LYPLA1: variants seen among roughly 807,000 people sequenced by gnomAD.
The protein encoded by LYPLA1 is acyl-protein thioesterase 1.
LYPLA1 carries 17 observed loss-of-function variants against 34.0 expected under a neutral mutation model. That is an observed-to-expected ratio of 0.50 (90% CI 0.34 to 0.75). The LOEUF is 0.75. Among genes scored for constraint, LYPLA1 ranks in the 30% least tolerant of loss-of-function variants. LYPLA1 has a pLI of 0.01. For missense variants in LYPLA1, 203 were observed against 288.8 expected (o/e 0.70, Z 2.15); for synonymous variants, 98 against 100.8 (o/e 0.97, Z 0.17).
At chr8:54,049,877 G>A (rs1432900269) in intron 8 of LYPLA1, among the ~76,000 whole-genome samples, 5 of 152,100 alleles carry the variant, frequency 3.3e-5, no homozygotes, top group Non-Finnish European at 5.9e-5. Context: ...AAACATCCAA[G>A]GTCACAGGTG....
chr8:54,067,516 C>T (rs953396639), intron 2 of LYPLA1, among the ~76,000 whole-genome samples: 1 of 152,050 alleles, frequency 6.6e-6, no homozygotes, highest in Non-Finnish European at 1.5e-5. Flanking sequence ...TTTTCCCATG[C>T]ATGTCAATTA....
intron 2 of LYPLA1, among the ~76,000 whole-genome samples, chr8:54,095,504 A>T (rs548120140): frequency 3.1e-4 from 47 of 152,238 alleles, no homozygotes; most frequent in African/African-American, 1.1e-3. Context: ...TTAATTACAT[A>T]TTCAATATTT....
Position 54,059,299 on chromosome 8 carries a change from G to GTTTTTTTTTTTTT in LYPLA1, c.286+2942_286+2954dup, listed in dbSNP as rs573966934. 6.2e-5 allele frequency among the ~76,000 whole-genome samples: 7 copies of GTTTTTTTTTTTTT among 112,742 alleles called. 1 individual carries two copies. The highest frequency in any genetic ancestry group is 3.4e-4 in the African/African-American group (7 of 20,560). The allele number at this position is 112,742 out of a possible 152,430, so 74.0% of individuals were successfully genotyped here. A position where few individuals can be genotyped will look rare whatever the true frequency, so the allele number is the denominator to read the frequency against. ...CACATCTTTTGAATGTATTTTCCCT[G>GTTTTTTTTTTTTT]TTTTTTTTTTTTTTTTGAGACGGAG... is the stretch of plus-strand genomic sequence containing the variant. On this transcript the variant is annotated intron_variant, in intron 5 of 8. Transcript: ENST00000316963.
downstream of LYPLA1, among the ~76,000 whole-genome samples, chr8:54,044,461 A>T (rs1453924344): frequency 6.6e-6 from 1 of 152,086 alleles, no homozygotes; most frequent in Non-Finnish European, 1.5e-5. Flanking sequence ...ATACCTTGAA[A>T]ATCAAAATGC....
intron 5 of LYPLA1, among the ~76,000 whole-genome samples, chr8:54,058,766 C>T (rs11994366): frequency 1.3e-5 from 2 of 150,488 alleles, no homozygotes; most frequent in Non-Finnish European, 3.0e-5. Flanking sequence ...TTTTTTGTAG[C>T]GACTCTTGCC....
intron 2 of LYPLA1, among the ~76,000 whole-genome samples, chr8:54,079,578 G>C (rs1808159956): frequency 6.6e-6 from 1 of 152,048 alleles, no homozygotes; most frequent in Non-Finnish European, 1.5e-5. Context: ...TGAGTTGGGC[G>C]GATCATTTGA....
chr8:54,099,391 G>A (rs112096450), intron 2 of LYPLA1, among the ~76,000 whole-genome samples: 220 of 152,226 alleles, frequency 1.4e-3, no homozygotes, highest in Admixed American at 3.5e-3. Flanking sequence ...CAAAAAATAG[G>A]AATCACTTTT....
chr8:54,083,342 G>A (rs186521039), intron 2 of LYPLA1, among the ~76,000 whole-genome samples: 1 of 152,192 alleles, frequency 6.6e-6, no homozygotes, highest in African/African-American at 2.4e-5. Context: ...AGCAAATACA[G>A]CTCTAACTCT....
intron 2 of LYPLA1, among the ~76,000 whole-genome samples, chr8:54,085,482 T>C (rs1808647566): frequency 6.7e-6 from 1 of 149,394 alleles, no homozygotes; most frequent in Admixed American, 6.6e-5. Flanking sequence ...CTGCCCAGTC[T>C]GGGAAGTGAG....
chr8:54,062,321 A>C lies in LYPLA1; in HGVS notation c.219T>G (p.Phe73Leu), dbSNP rs752043416. ...LNMNVAMPSW[F>L]DIIGLSPDSQ... ...AATCTGGTGAAAGCCCAATAATATC[A>C]AACCTGTAAAATAAGGCAAAATCTT... The change falls in exon 5 of 9, where the codon TTT becomes TTG. Residue 73 changes from phenylalanine (F) to leucine (L), a missense_variant. By Grantham distance (22) the Phe-to-Leu change is conservative (BLOSUM62 0). This residue lies in a region of LYPLA1 where 123 missense variants were observed against 199.2 expected (regional missense o/e 0.62). Transcript: ENST00000316963. The C allele has an allele frequency of 6.3e-7, 1 of 1,598,356 alleles. No individual in the cohort carries two copies. The highest frequency in any genetic ancestry group is 8.5e-7 in the Non-Finnish European group (1 of 1,173,850).
intron 2 of LYPLA1, among the ~76,000 whole-genome samples, chr8:54,084,217 A>C (rs1808539434): frequency 6.7e-6 from 1 of 149,322 alleles, no homozygotes; most frequent in Admixed American, 6.6e-5. Flanking sequence ...AAAAACCAAA[A>C]CCAAAAAACT....
At chr8:54,096,337 T>C (rs969555937) in intron 2 of LYPLA1, among the ~76,000 whole-genome samples, 22 of 152,186 alleles carry the variant, frequency 1.4e-4, no homozygotes, top group Non-Finnish European at 1.5e-5. Flanking sequence ...CAGTGGTTCA[T>C]GCCTGTAATT....
intron 5 of LYPLA1, among the ~76,000 whole-genome samples, chr8:54,061,683 G>A (rs1159203639): frequency 6.6e-6 from 1 of 152,130 alleles, no homozygotes; most frequent in African/African-American, 2.4e-5. Flanking sequence ...TCAGGAGGAT[G>A]AGGTGGAAGG....
intron 1 of LYPLA1, 40 bp downstream of exon 1, chr8:54,101,715 G>A: frequency 7.9e-7 from 1 of 1,272,130 alleles, no homozygotes; most frequent in Non-Finnish European, 1.0e-6. Flanking sequence ...CCGGTGGCCG[G>A]CCCAGTGGAC....
rs1184575045 is a variant in LYPLA1 at position 54,100,937 on chromosome 8, C to CACCTATAAGAGAAGAGGAAAATT, written c.70-21_71dup (p.His28PhefsTer5). The CACCTATAAGAGAAGAGGAAAATT allele has an allele frequency of 6.2e-7, 1 of 1,608,906 alleles. No individual in the cohort carries two copies. ...TATCTCCCAATCCATGCAGGAAAATCACCTATAAGAGAAGAGGAAAATTAA... is the reference window on the plus strand; with the variant it reads ...TATCTCCCAATCCATGCAGGAAAATCACCTATAAGAGAAGAGGAAAATTACCTATAAGAGAAGAGGAAAATTAA... On this transcript the variant is annotated frameshift_variant and splice_region_variant, in exon 2 of 9. Transcript: ENST00000316963. LOFTEE classifies it high-confidence loss of function.
intron 2 of LYPLA1, among the ~76,000 whole-genome samples, chr8:54,071,495 C>T (rs1365462403): frequency 6.6e-6 from 1 of 151,940 alleles, no homozygotes; most frequent in African/African-American, 2.4e-5. Flanking sequence ...AGGGTGGGGG[C>T]GTGGACAAGC....
At chr8:54,090,477 C>A (rs1275900799) in intron 2 of LYPLA1, among the ~76,000 whole-genome samples, 1 of 152,194 alleles carries the variant, frequency 6.6e-6, no homozygotes, top group Non-Finnish European at 1.5e-5. Context: ...TACAAATGTA[C>A]TATACTTCTA....
At chr8:54,072,806 C>T (rs1477766950) in intron 2 of LYPLA1, among the ~76,000 whole-genome samples, 1 of 151,866 alleles carries the variant, frequency 6.6e-6, no homozygotes, top group Non-Finnish European at 1.5e-5. Context: ...TAGTGAAACC[C>T]TACCTCTACT....
intron 1 of LYPLA1, chr8:54,101,389 A>AT: frequency 9.5e-7 from 1 of 1,054,604 alleles, no homozygotes; most frequent in Non-Finnish European, 1.1e-6. Flanking sequence ...TTCATTGAGG[A>AT]TAAGAGTGCG....
Sources: gnomAD v4.1 joint callset for allele counts (sites outside exome capture counted in the v4.1 genomes callset) on GRCh38, gnomAD v4.1.1 for gene constraint, gnomAD v4.1.1 regional missense constraint, MANE v1.5 for transcripts, NCBI Gene and HGNC (gene_info 2026-07-23, HGNC 2026-07-21) for gene names.